The following DLG2 variants were observed in gnomAD, a reference collection of about 807,000 sequenced individuals.
DLG2 encodes discs large MAGUK scaffold protein 2, also known as disks large homolog 2.
A neutral mutation model predicts 132.5 loss-of-function variants in DLG2; 45 were observed. The ratio of observed to expected loss-of-function variants is 0.34; its 90% confidence interval spans 0.27 to 0.44. The LOEUF is 0.44. Ranked by LOEUF, DLG2 falls within the 20% of genes least tolerant of loss-of-function variation. The pLI, the probability that DLG2 is intolerant of heterozygous loss-of-function variation, is 1.00. For missense variants in DLG2, 1,045 were observed against 1,196.9 expected (o/e 0.87, Z 1.87); for synonymous variants, 424 against 419.6 (o/e 1.01, Z -0.13).
At chr11:84,687,500 A>G (rs866818064) in intron 6 of DLG2, among the ~76,000 whole-genome samples, 1 of 152,070 alleles carries the variant, frequency 6.6e-6, no homozygotes, top group African/African-American at 2.4e-5. Flanking sequence ...GGGTACCTCA[A>G]TTAGTATCAT....
intron 6 of DLG2, among the ~76,000 whole-genome samples, chr11:85,002,935 T>C (rs553710902): frequency 6.6e-6 from 1 of 152,152 alleles, no homozygotes; most frequent in African/African-American, 2.4e-5. Flanking sequence ...ACATTTTCTA[T>C]TCTCCAGCTT....
At chr11:83,527,069 T>C (rs769887698) in intron 21 of DLG2, among the ~76,000 whole-genome samples, 1 of 152,122 alleles carries the variant, frequency 6.6e-6, no homozygotes, top group Non-Finnish European at 1.5e-5. Context: ...GCAAGACTTG[T>C]TCCCTCATTT....
chr11:85,523,047 G>A (rs2074441908), intron 3 of DLG2, among the ~76,000 whole-genome samples: 3 of 152,174 alleles, frequency 2.0e-5, no homozygotes, highest in Non-Finnish European at 1.5e-5. Context: ...CCACCCAAAT[G>A]TCATCTTGAA....
intron 17 of DLG2, among the ~76,000 whole-genome samples, chr11:83,824,044 A>G (rs2051716461): frequency 6.6e-6 from 1 of 152,220 alleles, no homozygotes; most frequent in Non-Finnish European, 1.5e-5. Context: ...TATCTGTGTG[A>G]TCTTGGACAA....
intron 11 of DLG2, among the ~76,000 whole-genome samples, chr11:84,020,950 G>A (rs1209887450): frequency 6.6e-6 from 1 of 152,154 alleles, no homozygotes; most frequent in Non-Finnish European, 1.5e-5. Flanking sequence ...CACTAAGAGA[G>A]CTGGGCCCAC....
intron 3 of DLG2, among the ~76,000 whole-genome samples, chr11:85,287,551 A>G (rs1428694629): frequency 1.3e-5 from 2 of 152,104 alleles, no homozygotes; most frequent in Non-Finnish European, 2.9e-5. Flanking sequence ...TTGGTAACTT[A>G]TTTATTCCTA....
chr11:84,239,705 A>T (rs1279903037), intron 8 of DLG2, among the ~76,000 whole-genome samples: 1 of 152,228 alleles, frequency 6.6e-6, no homozygotes, highest in Non-Finnish European at 1.5e-5. Flanking sequence ...CCTACCAGTA[A>T]AATGTTTGCA....
chr11:85,144,513 C>T (rs1253313825), intron 5 of DLG2, among the ~76,000 whole-genome samples: 2 of 151,630 alleles, frequency 1.3e-5, no homozygotes, highest in African/African-American at 2.4e-5. Flanking sequence ...TCCTTCCTGT[C>T]TTCCTTTGTG....
chr11:84,272,152 C>G (rs2154364958), intron 7 of DLG2: 1 of 230,900 alleles, frequency 4.3e-6, no homozygotes, highest in East Asian at 1.2e-4. Context: ...CGTGATCCAA[C>G]TAAAATATAG....
chr11:85,021,032 C>T (rs976738266), intron 6 of DLG2: 6 of 772,772 alleles, frequency 7.8e-6, no homozygotes, highest in Non-Finnish European at 1.4e-5. Context: ...TGTTCTGTTC[C>T]TTTTCAATTT....
At chr11:84,393,439 T>G (rs1339214795) in intron 7 of DLG2, among the ~76,000 whole-genome samples, 1 of 152,138 alleles carries the variant, frequency 6.6e-6, no homozygotes, top group African/African-American at 2.4e-5. Context: ...AATAGTTATG[T>G]TCTTGTTTTT....
At chr11:83,642,214 A>C (rs1294316875) in intron 18 of DLG2, among the ~76,000 whole-genome samples, 2 of 152,230 alleles carry the variant, frequency 1.3e-5, no homozygotes, top group South Asian at 4.1e-4. Context: ...AATAAATGCT[A>C]ACGTAAGTGC....
chr11:84,716,116 G>A (rs980488785), intron 6 of DLG2, among the ~76,000 whole-genome samples: 2 of 151,952 alleles, frequency 1.3e-5, no homozygotes, highest in African/African-American at 2.4e-5. Flanking sequence ...AATAGTATGA[G>A]ATGATATCTC....
chr11:83,739,228 A>C (rs1295540157), intron 18 of DLG2, among the ~76,000 whole-genome samples: 1 of 152,168 alleles, frequency 6.6e-6, no homozygotes, highest in Non-Finnish European at 1.5e-5. Context: ...ATTTTGTAAT[A>C]ATCTGAAAAG....
At chr11:83,562,960 CTAAT>C (rs1471220512) in intron 19 of DLG2, among the ~76,000 whole-genome samples, 4 of 138,926 alleles carry the variant, frequency 2.9e-5, no homozygotes, top group East Asian at 2.1e-4. Flanking sequence ...TTTTGTTTCC[CTAAT>C]TCTTTTTTTT....
At chr11:85,149,944 T>C (rs72961547) in intron 5 of DLG2, among the ~76,000 whole-genome samples, 13,959 of 151,420 alleles carry the variant, frequency 0.092, 871 homozygotes, top group African/African-American at 0.17. Context: ...TTACCTTTAA[T>C]GCTGATTCTG....
chr11:84,410,290 T>G (rs2098892979), intron 7 of DLG2, among the ~76,000 whole-genome samples: 1 of 152,098 alleles, frequency 6.6e-6, no homozygotes, highest in Admixed American at 6.6e-5. Context: ...GATCAAGGAT[T>G]AAAACTCAGG....
chr11:85,481,836 C>G (rs2093300019), intron 3 of DLG2, among the ~76,000 whole-genome samples: 1 of 151,708 alleles, frequency 6.6e-6, no homozygotes, highest in Non-Finnish European at 1.5e-5. Context: ...GATGGAGACT[C>G]CAGGCTTGTC....
intron 3 of DLG2, among the ~76,000 whole-genome samples, chr11:85,490,068 G>C (rs1238149114): frequency 1.3e-5 from 2 of 151,994 alleles, no homozygotes; most frequent in African/African-American, 4.8e-5. Flanking sequence ...TGTACCTGTA[G>C]TCCTAGCTAC....
Sources: gnomAD v4.1 joint callset for allele counts (sites outside exome capture counted in the v4.1 genomes callset) on GRCh38, gnomAD v4.1.1 for gene constraint, MANE v1.5 for transcripts, NCBI Gene and HGNC (gene_info 2026-07-23, HGNC 2026-07-21) for gene names.